The following SLF1 variants were observed in gnomAD, a reference collection of about 807,000 sequenced individuals.
SLF1 encodes SMC5/6 complex localization factor 1, also known as SMC5-SMC6 complex localization factor protein 1.
In SLF1, 105 loss-of-function variants were observed where a neutral mutation model predicts 123.0. The ratio of observed to expected loss-of-function variants is 0.85; its 90% CI spans 0.73 to 1.00. The LOEUF (loss-of-function observed/expected upper bound fraction) is 1.00, where lower values mean the gene tolerates loss of function less well. SLF1 is among the 50% of genes least tolerant of loss of function. The pLI, the probability that SLF1 is intolerant of heterozygous loss-of-function variation, is 0.00. For synonymous variants in SLF1, 434 were observed against 406.6 expected, an observed-to-expected ratio of 1.07 and a Z score of -0.81; for missense variants, 1,239 against 1,223.0, an observed-to-expected ratio of 1.01 and a Z score of -0.20.
At chr5:94,661,954 A>G (rs1749173641) in intron 9 of SLF1, among the ~76,000 whole-genome samples, 1 of 152,232 alleles carries the variant, frequency 6.6e-6, no homozygotes, top group Non-Finnish European at 1.5e-5. Flanking sequence ...TATAGCAAAC[A>G]TAACTGATGT....
At chr5:94,686,439 TAAAA>T in intron 15 of SLF1, 130 bp from the exon 16 acceptor site, 1 of 972,514 alleles carries the variant, frequency 1.0e-6, no homozygotes, top group Non-Finnish European at 1.5e-6. Flanking sequence ...TTTTGTGGAT[TAAAA>T]TCATGTGGAT....
intron 9 of SLF1, among the ~76,000 whole-genome samples, chr5:94,656,006 TA>T (rs1472581634): frequency 6.6e-6 from 1 of 152,072 alleles, no homozygotes; most frequent in African/African-American, 2.4e-5. Flanking sequence ...GTTGTAAAAG[TA>T]GGCATTCTTT....
At chr5:94,692,002 T>C in intron 19 of SLF1, 72 bp from the exon 20 acceptor site, 1 of 1,461,666 alleles carries the variant, frequency 6.8e-7, no homozygotes, top group South Asian at 1.3e-5. Flanking sequence ...ATGAGAAAAG[T>C]AGAACATCAG....
intron 20 of SLF1, among the ~76,000 whole-genome samples, chr5:94,693,221 C>G (rs777625799): frequency 1.3e-5 from 2 of 152,046 alleles, no homozygotes. Flanking sequence ...ATAGTCTTCT[C>G]CTGCCCCCTA....
intron 4 of SLF1, among the ~76,000 whole-genome samples, chr5:94,634,850 T>C (rs1195814726): frequency 6.6e-6 from 1 of 152,240 alleles, no homozygotes; most frequent in African/African-American, 2.4e-5. Context: ...TTTATCTTGT[T>C]ATGAGAAGTG....
At chr5:94,694,805 C>G in intron 20 of SLF1, 26 bp from the exon 21 acceptor site, 1 of 1,522,898 alleles carries the variant, frequency 6.6e-7, no homozygotes, top group South Asian at 1.3e-5. Flanking sequence ...GTTTTACTTG[C>G]AACATTTTGC....
rs1745106831 is a variant in SLF1 at position 94,630,750 on chromosome 5, T to A, written c.431+7T>A. On this transcript the variant is annotated splice_region_variant and intron_variant, in intron 4 of 20. Coordinates refer to ENST00000265140, the MANE Select transcript of SLF1 (RefSeq NM_032290.4). ...GAAGTGATTCTCTTATAAGGTAGGA[T>A]GTGATTACATAAAAGCTAAAGCAAT... The A allele has an allele frequency of 6.5e-7, 1 of 1,540,752 alleles. No individual in the cohort carries two copies. The highest frequency in any genetic ancestry group is 1.2e-5 in the South Asian group (1 of 82,698).
chr5:94,671,792 A>C (rs1750495680), intron 14 of SLF1, among the ~76,000 whole-genome samples: 2 of 151,462 alleles, frequency 1.3e-5, no homozygotes, highest in African/African-American at 4.8e-5. Context: ...TTTAACCTAG[A>C]GTGCTCTGTT....
In SLF1 at chr5:94,696,007, A is replaced by C. The variant is rs1753490356; in HGVS notation, c.*695A>C. On this transcript the variant is annotated 3_prime_UTR_variant, in exon 21 of 21. Coordinates refer to ENST00000265140, the MANE Select transcript of SLF1 (RefSeq NM_032290.4). ...TATGTAACCCAGTATTCTGTACCTG[A>C]AAACATTCTGCTGCATAGGTTTATG... 1 of 151,826 alleles carries C rather than the reference A, an allele frequency of 6.6e-6. No homozygotes were observed. Among genetic ancestry groups the C allele is most frequent in the African/African-American group, 2.4e-5 (1 of 41,376 alleles). The allele number at this position is 151,826 out of a possible 1,614,324, so 9.4% of individuals were successfully genotyped here.
In SLF1 at chr5:94,695,464, A is replaced by G; in HGVS notation, c.*152A>G. 1.1e-6 allele frequency: 1 copy of G among 951,662 alleles called. No homozygotes were observed. The highest frequency in any genetic ancestry group is 1.4e-6 in the Non-Finnish European group (1 of 693,610). The allele number at this position is 951,662 out of a possible 1,614,324, so 59.0% of individuals were successfully genotyped here. On this transcript the variant is annotated 3_prime_UTR_variant, in exon 21 of 21. Coordinates refer to ENST00000265140, the MANE Select transcript of SLF1 (RefSeq NM_032290.4). ...AAATTTTAAAAGCATTTTTAAAAAA[A>G]CTTCTACAAAACTCTAGTATGGGCT...
chr5:94,659,272 A>G (rs1748781404), intron 9 of SLF1, among the ~76,000 whole-genome samples: 2 of 150,830 alleles, frequency 1.3e-5, no homozygotes, highest in Non-Finnish European at 3.0e-5. Flanking sequence ...TCATCTGTGT[A>G]CTTTTCTATC....
intron 14 of SLF1, among the ~76,000 whole-genome samples, chr5:94,676,384 C>T (rs1195722497): frequency 6.6e-6 from 1 of 152,120 alleles, no homozygotes; most frequent in Non-Finnish European, 1.5e-5. Flanking sequence ...GCCGATCACA[C>T]CAGGGGAGGT....
At chr5:94,665,519 G>T (rs1749644789) in intron 11 of SLF1, among the ~76,000 whole-genome samples, 1 of 152,212 alleles carries the variant, frequency 6.6e-6, no homozygotes, top group Non-Finnish European at 1.5e-5. Flanking sequence ...GGGAGGCTGA[G>T]GTGGGCAGAT....
chr5:94,633,110 C>T (rs899021585), intron 4 of SLF1, among the ~76,000 whole-genome samples: 2 of 152,144 alleles, frequency 1.3e-5, no homozygotes, highest in Non-Finnish European at 2.9e-5. Context: ...GCCTCAGCCT[C>T]CCGAGTAGCT....
At chr5:94,681,579 G>A (rs979839034) in intron 15 of SLF1, among the ~76,000 whole-genome samples, 1 of 151,914 alleles carries the variant, frequency 6.6e-6, no homozygotes, top group Non-Finnish European at 1.5e-5. Context: ...CATGTGCCAT[G>A]CTGGTGCGCT....
intron 12 of SLF1, among the ~76,000 whole-genome samples, chr5:94,669,200 G>A (rs113589412): frequency 0.074 from 11,305 of 152,100 alleles, 461 homozygotes; most frequent in South Asian, 0.12. Flanking sequence ...ATAGAGAAAC[G>A]TAAGTTCTCT....
Position 94,696,287 on chromosome 5 carries a change from A to T in SLF1, c.*975A>T, listed in dbSNP as rs142240239. 1.6e-3 allele frequency: 236 copies of T among 151,934 alleles called. No individual in the cohort carries two copies. Among genetic ancestry groups the T allele is most frequent in the African/African-American group, 5.4e-3 (223 of 41,526 alleles). 9.4% of individuals were successfully genotyped at this position (151,934 alleles called of 1,614,324 possible). On this transcript the variant is annotated 3_prime_UTR_variant, in exon 21 of 21. Coordinates refer to ENST00000265140, the MANE Select transcript of SLF1 (RefSeq NM_032290.4). Reference sequence around the variant, plus strand: ...CTTCCATTTAGCTTTTATGTAATTCAAGTGATGACCTTAGCAGTTAATCTG... The same window carrying T: ...CTTCCATTTAGCTTTTATGTAATTCTAGTGATGACCTTAGCAGTTAATCTG...
At chr5:94,627,606 A>G (rs906924788) in intron 1 of SLF1, among the ~76,000 whole-genome samples, 1 of 141,650 alleles carries the variant, frequency 7.1e-6, no homozygotes, top group Admixed American at 7.0e-5. Context: ...ATATATATAT[A>G]TATATATATA....
At chr5:94,679,056 CT>C in intron 15 of SLF1, 101 bp downstream of exon 15, 1 of 1,379,140 alleles carries the variant, frequency 7.3e-7, no homozygotes, top group South Asian at 1.4e-5. Context: ...TCATTTGAAA[CT>C]TTCCTTAAAA....
Sources: allele counts gnomAD v4.1 joint callset (sites outside exome capture counted in the v4.1 genomes callset), GRCh38; gene constraint gnomAD v4.1.1; transcripts MANE v1.5; gene names NCBI Gene and HGNC (gene_info 2026-07-23, HGNC 2026-07-21).